Variants in ETS1 observed in about 807,000 individuals in gnomAD.
ETS1 encodes the protein ETS proto-oncogene 1, transcription factor, also known as protein C-ets-1.
Under a neutral mutation model 58.6 loss-of-function variants are expected in ETS1, and 15 were observed. The ratio of observed to expected loss-of-function variants is 0.26; its 90% CI spans 0.17 to 0.39. ETS1 has a LOEUF of 0.39. Among genes scored for constraint, ETS1 ranks in the 10% least tolerant of loss-of-function variants. The probability of loss-of-function intolerance (pLI) is 1.00; values close to 1 mark genes in which losing one functional copy is unlikely to be tolerated. For missense variants in ETS1, 417 were observed against 610.5 expected, an observed-to-expected ratio of 0.68 and a Z score of 3.34; for synonymous variants, 214 against 218.2, an observed-to-expected ratio of 0.98 and a Z score of 0.17.
chr11:128,548,919 GCCCAA>G (rs1864181838), intron 3 of ETS1, among the ~76,000 whole-genome samples: 1 of 152,178 alleles, frequency 6.6e-6, no homozygotes, highest in African/African-American at 2.4e-5. Context: ...GACCCCCATG[GCCCAA>G]GTGTTTACTC....
chr11:128,532,507 G>C (rs1470132795), intron 3 of ETS1, among the ~76,000 whole-genome samples: 1 of 152,208 alleles, frequency 6.6e-6, no homozygotes, highest in Non-Finnish European at 1.5e-5. Context: ...TGGGAAAGCA[G>C]ACTTAATTGG....
chr11:128,584,086 G>C (rs1426504143), intron 1 of ETS1, among the ~76,000 whole-genome samples: 1 of 152,096 alleles, frequency 6.6e-6, no homozygotes, highest in Non-Finnish European at 1.5e-5. Context: ...GTTTGGTATG[G>C]TCTCCAGCAC....
chr11:128,584,944 A>AAG (rs1864945380), intron 1 of ETS1, among the ~76,000 whole-genome samples: 2 of 19,078 alleles, frequency 1.0e-4, no homozygotes, highest in South Asian at 1.0e-3. Flanking sequence ...AGAGAAAAGA[A>AAG]AGAAAGAAAG....
At chr11:128,557,684 A>T (rs1334645335) in intron 2 of ETS1, among the ~76,000 whole-genome samples, 2 of 152,048 alleles carry the variant, frequency 1.3e-5, no homozygotes, top group Non-Finnish European at 2.9e-5. Flanking sequence ...TTTTATTATT[A>T]CTCTCTTGGG....
chr11:128,549,810 G>A lies in ETS1; in HGVS notation c.214+6481C>T, dbSNP rs948564762. 2.6e-5 allele frequency among the ~76,000 whole-genome samples: 4 copies of A among 152,208 alleles called. No homozygotes were observed. Among genetic ancestry groups the A allele is most frequent in the African/African-American group, 9.7e-5 (4 of 41,446 alleles). On this transcript the variant is annotated intron_variant, in intron 3 of 9. Transcript: ENST00000392668. The surrounding 1 kb of genome is among the most constrained non-coding windows in gnomAD (Gnocchi z 4.3). ...GGTCTCTGGTCTCTAACCTGGGTGTGCAGCTCTTTCTGGCCCTCACCAGGC... is the reference window on the plus strand; with the variant it reads ...GGTCTCTGGTCTCTAACCTGGGTGTACAGCTCTTTCTGGCCCTCACCAGGC...
intron 3 of ETS1, among the ~76,000 whole-genome samples, chr11:128,508,453 T>C (rs1206212996): frequency 6.6e-6 from 1 of 152,188 alleles, no homozygotes; most frequent in African/African-American, 2.4e-5. Flanking sequence ...CAGGGCTGTC[T>C]TACCTCAAAA....
chr11:128,472,547 C>A (rs1326477924), intron 8 of ETS1, among the ~76,000 whole-genome samples: 3 of 152,222 alleles, frequency 2.0e-5, no homozygotes, highest in Admixed American at 6.5e-5. Context: ...AGCTGTCACA[C>A]TACCTGTTCT....
chr11:128,541,552 T>C (rs1356071004), intron 3 of ETS1, among the ~76,000 whole-genome samples: 3 of 152,252 alleles, frequency 2.0e-5, no homozygotes, highest in Non-Finnish European at 1.5e-5. Flanking sequence ...AAAAGTCTTC[T>C]GAGCTGATCT....
intron 3 of ETS1, among the ~76,000 whole-genome samples, chr11:128,502,090 C>G (rs770271189): frequency 6.6e-6 from 1 of 152,198 alleles, no homozygotes; most frequent in Non-Finnish European, 1.5e-5. Flanking sequence ...AGAACAATGG[C>G]TACAGACAAA....
In ETS1 at chr11:128,460,326, T is replaced by G. The variant is rs1861877210; in HGVS notation, c.*2035A>C. 1 of 152,828 alleles carries G rather than the reference T, an allele frequency of 6.5e-6. No homozygotes were observed. The highest frequency in any genetic ancestry group is 2.1e-4 in the South Asian group (1 of 4,836). The allele number at this position is 152,828 out of a possible 1,614,324, so 9.5% of individuals were successfully genotyped here. On this transcript the variant is annotated 3_prime_UTR_variant, in exon 10 of 10. Coordinates refer to ENST00000392668, the MANE Select transcript of ETS1 (RefSeq NM_001143820.2). ...GATAATTCTGCCTTTGCTTTCCATATGGATGCTCCAATTCATCAGTATGGG... is the reference window on the plus strand; with the variant it reads ...GATAATTCTGCCTTTGCTTTCCATAGGGATGCTCCAATTCATCAGTATGGG...
chr11:128,496,127 A>G (rs2135472028), intron 3 of ETS1, among the ~76,000 whole-genome samples: 1 of 152,222 alleles, frequency 6.6e-6, no homozygotes, highest in Admixed American at 6.5e-5. Flanking sequence ...AATAAGAGGC[A>G]AATAAACTCA....
chr11:128,571,365 T>C (rs1864624406), intron 2 of ETS1, among the ~76,000 whole-genome samples: 2 of 149,612 alleles, frequency 1.3e-5, no homozygotes, highest in African/African-American at 2.5e-5. Flanking sequence ...TGCAGGGAGC[T>C]AAGATCGCAC....
At chr11:128,522,092 G>T in intron 3 of ETS1, 1 of 1,330,558 alleles carries the variant, frequency 7.5e-7, no homozygotes, top group Non-Finnish European at 9.7e-7. Context: ...AGGGGACGGG[G>T]GAAATCCGAC....
At chr11:128,571,557 A>G (rs1020575855) in intron 2 of ETS1, among the ~76,000 whole-genome samples, 4 of 147,744 alleles carry the variant, frequency 2.7e-5, no homozygotes, top group African/African-American at 9.9e-5. Flanking sequence ...CAAACAATTC[A>G]GGTCTTTTAA....
In ETS1 at chr11:128,549,152, T is replaced by C. The variant is rs1864186075; in HGVS notation, c.214+7139A>G. 6.6e-6 allele frequency among the ~76,000 whole-genome samples: 1 copy of C among 152,182 alleles called. No individual in the cohort carries two copies. Among genetic ancestry groups the C allele is most frequent in the African/African-American group, 2.4e-5 (1 of 41,454 alleles). ...GCTGGGTCTCCTGCCTCGGCAGCTA[T>C]AAACACAGTGAACATCTGGAGAGAG... is the stretch of plus-strand genomic sequence containing the variant. On this transcript the variant is annotated intron_variant, in intron 3 of 9. Transcript: ENST00000392668. This position sits in a 1 kb window ranked among gnomAD's most constrained non-coding sequence, Gnocchi z 4.3.
At position 128,500,358 on chromosome 11, in the gene ETS1, A is replaced by G. The variant is rs1018153535; in HGVS notation, c.215-9782T>C. Reference sequence around the variant, plus strand: ...TTCAGAAAGCAACATTTTTTCATCAATTTTGAAAGGAAATTCTCTCTCAAC... The same window carrying G: ...TTCAGAAAGCAACATTTTTTCATCAGTTTTGAAAGGAAATTCTCTCTCAAC... On this transcript the variant is annotated intron_variant, in intron 3 of 9. Coordinates refer to ENST00000392668, the MANE Select transcript of ETS1 (RefSeq NM_001143820.2). Among the ~76,000 whole-genome samples, 30 of 152,334 alleles carry G rather than the reference A, an allele frequency of 2.0e-4. 1 individual carries two copies. The highest frequency in any genetic ancestry group is 5.8e-4 in the East Asian group (3 of 5,190).
chr11:128,528,131 T>A (rs962138081), intron 3 of ETS1, among the ~76,000 whole-genome samples: 2 of 152,200 alleles, frequency 1.3e-5, no homozygotes, highest in African/African-American at 2.4e-5. Context: ...AGAGTCACAG[T>A]GATTTTATGT....
chr11:128,563,950 T>G (rs1864447014), intron 2 of ETS1, among the ~76,000 whole-genome samples: 1 of 152,214 alleles, frequency 6.6e-6, no homozygotes, highest in Non-Finnish European at 1.5e-5. Context: ...TGCGACTCCA[T>G]GCACTTCTGA....
At chr11:128,585,913 C>T (rs1380435256) in intron 1 of ETS1, among the ~76,000 whole-genome samples, 3 of 152,202 alleles carry the variant, frequency 2.0e-5, no homozygotes, top group Non-Finnish European at 2.9e-5. Context: ...ACTCCATTAT[C>T]GTCCGGGACC....
Sources: gnomAD v4.1 joint callset for allele counts (sites outside exome capture counted in the v4.1 genomes callset) on GRCh38, gnomAD v4.1.1 for gene constraint, Gnocchi (gnomAD v3.1) non-coding constraint, MANE v1.5 for transcripts, NCBI Gene and HGNC (gene_info 2026-07-23, HGNC 2026-07-21) for gene names.